GRM7: variants seen among roughly 807,000 people sequenced by gnomAD.
GRM7 encodes glutamate metabotropic receptor 7.
A neutral mutation model predicts 84.5 loss-of-function variants in GRM7; 35 were observed. That is an observed-to-expected ratio of 0.41 (90% CI 0.32 to 0.55). GRM7 has a LOEUF of 0.55. Among genes scored for constraint, GRM7 ranks in the 20% least tolerant of loss-of-function variants. The pLI is 0.19. For synonymous variants in GRM7, 487 were observed against 455.1 expected (o/e 1.07, Z -0.89); for missense variants, 1,003 against 1,194.6 (o/e 0.84, Z 2.36).
chr3:6,876,970 C>T (rs1029916808), intron 1 of GRM7, among the ~76,000 whole-genome samples: 12 of 152,134 alleles, frequency 7.9e-5, no homozygotes, highest in African/African-American at 2.9e-4. Context: ...ATAATTTCCT[C>T]AGCTCTTTTT....
rs115390269 is a variant in GRM7 at position 7,362,013 on chromosome 3, G to A, written c.1034-53010G>A. On this transcript the variant is annotated intron_variant, in intron 4 of 9. Transcript: ENST00000357716. ...CATGTTGATTCATCAGGCACATCTT[G>A]GACTAATGTTTAATAACTGGGTTAT... 6.1e-3 allele frequency among the ~76,000 whole-genome samples: 933 copies of A among 152,164 alleles called. 6 individuals are homozygous for A. The highest frequency in any genetic ancestry group is 0.021 in the African/African-American group (879 of 41,542).
At chr3:6,974,087 G>C (rs1401313039) in intron 1 of GRM7, among the ~76,000 whole-genome samples, 3 of 152,116 alleles carry the variant, frequency 2.0e-5, no homozygotes, top group Non-Finnish European at 4.4e-5. Flanking sequence ...CATGTTTAAG[G>C]TAAGATTAAC....
intron 2 of GRM7, among the ~76,000 whole-genome samples, chr3:7,222,533 A>G (rs1696844198): frequency 6.6e-6 from 1 of 152,106 alleles, no homozygotes; most frequent in Non-Finnish European, 1.5e-5. Flanking sequence ...TTAGAAGTAA[A>G]TTCATTTTCA....
At chr3:7,468,742 A>G (rs1232619007) in intron 7 of GRM7, among the ~76,000 whole-genome samples, 2 of 152,094 alleles carry the variant, frequency 1.3e-5, no homozygotes, top group African/African-American at 4.8e-5. Context: ...ATCTCATGGT[A>G]GTGAGTGAGT....
At chr3:6,885,754 G>C (rs113665820) in intron 1 of GRM7, among the ~76,000 whole-genome samples, 1 of 152,202 alleles carries the variant, frequency 6.6e-6, no homozygotes, top group East Asian at 1.9e-4. Context: ...ACAAATGCCC[G>C]CAGGGGCTCT....
At chr3:6,927,965 A>G (rs1288339866) in intron 1 of GRM7, among the ~76,000 whole-genome samples, 2 of 152,240 alleles carry the variant, frequency 1.3e-5, no homozygotes, top group African/African-American at 4.8e-5. Flanking sequence ...CACTTAGAAC[A>G]CATTTCTAAA....
At chr3:7,508,225 A>G (rs961835177) in intron 7 of GRM7, among the ~76,000 whole-genome samples, 1 of 152,156 alleles carries the variant, frequency 6.6e-6, no homozygotes, top group African/African-American at 2.4e-5. Flanking sequence ...TAGTGATAAA[A>G]TACCATTAGA....
chr3:7,081,576 A>G (rs748594008), intron 1 of GRM7, among the ~76,000 whole-genome samples: 2 of 152,092 alleles, frequency 1.3e-5, no homozygotes, highest in Non-Finnish European at 2.9e-5. Flanking sequence ...TATTCAAGTG[A>G]AAGGAATAAT....
chr3:7,163,035 C>G (rs1255544515), intron 2 of GRM7, among the ~76,000 whole-genome samples: 1 of 152,048 alleles, frequency 6.6e-6, no homozygotes, highest in East Asian at 1.9e-4. Context: ...GCTGGGATTA[C>G]AGGTGTGAGC....
At chr3:7,275,912 C>A (rs1011637133) in intron 2 of GRM7, among the ~76,000 whole-genome samples, 1 of 152,040 alleles carries the variant, frequency 6.6e-6, no homozygotes, top group African/African-American at 2.4e-5. Flanking sequence ...GACCCTCCAG[C>A]AATTCAGTAA....
chr3:7,699,895 T>C (rs1701163613), intron 9 of GRM7, among the ~76,000 whole-genome samples: 1 of 152,198 alleles, frequency 6.6e-6, no homozygotes, highest in South Asian at 2.1e-4. Context: ...TTACAGGCTC[T>C]GGAGTTGGAC....
At chr3:7,211,290 T>A (rs1362037229) in intron 2 of GRM7, among the ~76,000 whole-genome samples, 1 of 152,234 alleles carries the variant, frequency 6.6e-6, no homozygotes, top group East Asian at 1.9e-4. Flanking sequence ...ATACCTGAGC[T>A]GCTTGTTAAA....
At chr3:7,345,092 T>C (rs1692830277) in intron 4 of GRM7, among the ~76,000 whole-genome samples, 1 of 152,056 alleles carries the variant, frequency 6.6e-6, no homozygotes, top group Admixed American at 6.6e-5. Context: ...TAAAAAAAGG[T>C]AAGATGAAAA....
chr3:7,364,656 T>C (rs1693804527), intron 4 of GRM7, among the ~76,000 whole-genome samples: 1 of 151,896 alleles, frequency 6.6e-6, no homozygotes, highest in African/African-American at 2.4e-5. Context: ...ATTCTGAAAT[T>C]TTAATATCCA....
chr3:7,043,460 A>G (rs1346328396), intron 1 of GRM7, among the ~76,000 whole-genome samples: 1 of 152,168 alleles, frequency 6.6e-6, no homozygotes, highest in Non-Finnish European at 1.5e-5. Flanking sequence ...GACTCATCCC[A>G]TTCATTCCTG....
chr3:7,439,956 T>C (rs767972139), intron 5 of GRM7, among the ~76,000 whole-genome samples: 1 of 152,120 alleles, frequency 6.6e-6, no homozygotes, highest in African/African-American at 2.4e-5. Flanking sequence ...CTCCAGGTTT[T>C]AGTTAAGGAA....
At chr3:7,731,084 G>T (rs1279492696) in intron 9 of GRM7, among the ~76,000 whole-genome samples, 6 of 144,680 alleles carry the variant, frequency 4.1e-5, no homozygotes, top group Non-Finnish European at 4.6e-5. Context: ...TTTTTCTTTT[G>T]TTTTTTTTTT....
chr3:7,614,122 G>A (rs764996629), intron 8 of GRM7, among the ~76,000 whole-genome samples: 12 of 151,984 alleles, frequency 7.9e-5, no homozygotes, highest in Middle Eastern at 3.2e-3. Context: ...AAAATTAGCC[G>A]GGCATGGTGG....
At chr3:7,031,379 C>T (rs1248619230) in intron 1 of GRM7, among the ~76,000 whole-genome samples, 3 of 151,584 alleles carry the variant, frequency 2.0e-5, no homozygotes, top group Admixed American at 2.0e-4. Context: ...AACCTGGACT[C>T]CAAATACTTT....
Sources: gnomAD v4.1 joint callset for allele counts (sites outside exome capture counted in the v4.1 genomes callset) on GRCh38, gnomAD v4.1.1 for gene constraint, MANE v1.5 for transcripts, NCBI Gene and HGNC (gene_info 2026-07-23, HGNC 2026-07-21) for gene names.